CADPS2: variants seen among roughly 807,000 people sequenced by gnomAD.
CADPS2 encodes the protein calcium dependent secretion activator 2, also known as calcium-dependent secretion activator 2.
In CADPS2, 93 loss-of-function variants were observed where a neutral mutation model predicts 172.5. The ratio of observed to expected loss-of-function variants is 0.54; its 90% CI spans 0.46 to 0.64. CADPS2 has a LOEUF of 0.64. Among genes scored for constraint, CADPS2 ranks in the 30% least tolerant of loss-of-function variants. CADPS2 has a pLI of 0.00. For synonymous variants in CADPS2, 546 were observed against 555.2 expected (o/e 0.98, Z 0.23); for missense variants, 1,420 against 1,565.9 (o/e 0.91, Z 1.57).
intron 1 of CADPS2, among the ~76,000 whole-genome samples, chr7:122,855,569 A>C (rs1312813288): frequency 6.6e-6 from 1 of 152,180 alleles, no homozygotes; most frequent in Non-Finnish European, 1.5e-5. Context: ...TGGTAGGGGC[A>C]AAGTATGGTC....
chr7:122,544,240 A>T (rs975271514), intron 8 of CADPS2, among the ~76,000 whole-genome samples: 8 of 152,158 alleles, frequency 5.3e-5, no homozygotes, highest in Non-Finnish European at 1.0e-4. Flanking sequence ...ATTGTGCAGG[A>T]AAGATTATAT....
rs1389878154 is a variant in CADPS2, at chr7:122,649,841, A to C, written c.786+13396T>G. Among the ~76,000 whole-genome samples, 4 of 140,634 alleles carry C rather than the reference A, an allele frequency of 2.8e-5. No homozygotes were observed. In the Admixed American group the frequency reaches 3.0e-4, roughly 10 times the overall value. 92.3% of individuals were successfully genotyped at this position (140,634 alleles called of 152,430 possible). ...TTGAGGGAAGGAATCAAATCTTGTC[A>C]TTTATGTATTTTCACTGCTTAACCT... On this transcript the variant is annotated intron_variant, in intron 3 of 29. Coordinates refer to ENST00000449022, the MANE Select transcript of CADPS2 (RefSeq NM_017954.11).
chr7:122,833,713 A>C (rs1380669931), intron 1 of CADPS2, among the ~76,000 whole-genome samples: 2 of 152,160 alleles, frequency 1.3e-5, no homozygotes, highest in African/African-American at 4.8e-5. Flanking sequence ...TTAAATACTA[A>C]GGCTGAAGAA....
chr7:122,458,914 C>T (rs1229652983), intron 14 of CADPS2, among the ~76,000 whole-genome samples: 1 of 151,920 alleles, frequency 6.6e-6, no homozygotes, highest in East Asian at 1.9e-4. Context: ...TATAGAGGTT[C>T]TCTGATATAA....
At chr7:122,812,534 C>G (rs927367953) in intron 1 of CADPS2, among the ~76,000 whole-genome samples, 1 of 151,894 alleles carries the variant, frequency 6.6e-6, no homozygotes, top group African/African-American at 2.4e-5. Flanking sequence ...ACTGTAGGAT[C>G]GAACAGAATT....
intron 1 of CADPS2, among the ~76,000 whole-genome samples, chr7:122,803,994 A>AC (rs1188173159): frequency 0.016 from 2,402 of 148,118 alleles, 75 homozygotes; most frequent in African/African-American, 0.05. Flanking sequence ...AAAAAAAAAA[A>AC]AAAACACTGC....
chr7:122,438,579 T>TA, intron 16 of CADPS2, 115 bp from the exon 17 acceptor site: 1 of 1,232,662 alleles, frequency 8.1e-7, no homozygotes. Context: ...AAATTGTCCT[T>TA]GATCTGACTA....
intron 6 of CADPS2, among the ~76,000 whole-genome samples, chr7:122,582,687 G>A (rs1021753907): frequency 2.0e-5 from 3 of 151,982 alleles, no homozygotes; most frequent in Non-Finnish European, 4.4e-5. Context: ...CAGGCAATGT[G>A]GTTAACAGCC....
At chr7:122,833,532 GTTTTT>G (rs370563302) in intron 1 of CADPS2, among the ~76,000 whole-genome samples, 1 of 149,604 alleles carries the variant, frequency 6.7e-6, no homozygotes, top group African/African-American at 2.5e-5. Flanking sequence ...ACCCAGCTTT[GTTTTT>G]TTTTGTTTGT....
chr7:122,775,031 A>T (rs764141273), intron 1 of CADPS2, among the ~76,000 whole-genome samples: 39 of 152,150 alleles, frequency 2.6e-4, no homozygotes, highest in Middle Eastern at 3.4e-3. Flanking sequence ...TGTTTTTTTT[A>T]AAATACAAAA....
intron 15 of CADPS2, among the ~76,000 whole-genome samples, chr7:122,445,004 G>GA (rs1180287364): frequency 6.6e-6 from 1 of 152,014 alleles, no homozygotes; most frequent in Non-Finnish European, 1.5e-5. Context: ...GCATCTGTCG[G>GA]AAAAAAGTAT....
intron 2 of CADPS2, chr7:122,676,578 C>T (rs7777183): frequency 1.2e-6 from 1 of 867,730 alleles, no homozygotes; most frequent in Non-Finnish European, 1.8e-6. Context: ...AATTAAATAT[C>T]CACTTCACAC....
chr7:122,353,287 C>T (rs1382652956), intron 27 of CADPS2, among the ~76,000 whole-genome samples: 1 of 152,052 alleles, frequency 6.6e-6, no homozygotes, highest in African/African-American at 2.4e-5. Flanking sequence ...TAAGAACCAC[C>T]TTTTGGGGAT....
rs567648416 is a variant in CADPS2, at chr7:122,622,172, C to T, written c.868-455G>A. On this transcript the variant is annotated intron_variant, in intron 4 of 29. Transcript: ENST00000449022. ...AGCCCAATTTCTTACCACAGATATG[C>T]GTTGTTGGAAGAGTATGCTTTTTCA... Among the ~76,000 whole-genome samples the T allele has an allele frequency of 1.9e-4, 29 of 152,178 alleles. No individual in the cohort carries two copies. The South Asian group carries it at 3.3e-3, about 17-fold the overall frequency.
intron 2 of CADPS2, among the ~76,000 whole-genome samples, chr7:122,696,859 T>G (rs1341895997): frequency 6.6e-6 from 1 of 152,200 alleles, no homozygotes; most frequent in Non-Finnish European, 1.5e-5. Context: ...TATCATTCAC[T>G]TATTCATTCA....
chr7:122,853,243 G>A (rs1250579465), intron 1 of CADPS2, among the ~76,000 whole-genome samples: 1 of 152,182 alleles, frequency 6.6e-6, no homozygotes, highest in Non-Finnish European at 1.5e-5. Context: ...AAAAAGGTCA[G>A]GGTATTTCTC....
intron 2 of CADPS2, among the ~76,000 whole-genome samples, chr7:122,692,703 G>T (rs1330655706): frequency 6.6e-6 from 1 of 152,222 alleles, no homozygotes; most frequent in Non-Finnish European, 1.5e-5. Context: ...CATGCCCAGG[G>T]TCCAGCCCCT....
intron 22 of CADPS2, 115 bp downstream of exon 22, chr7:122,393,081 G>C: frequency 9.0e-7 from 1 of 1,111,834 alleles, no homozygotes; most frequent in Non-Finnish European, 1.2e-6. Context: ...AAAAAAAACA[G>C]TATTCCTCAA....
intron 14 of CADPS2, among the ~76,000 whole-genome samples, chr7:122,468,783 G>GGACTGTAA (rs1289396691): frequency 6.6e-6 from 1 of 152,146 alleles, no homozygotes; most frequent in African/African-American, 2.4e-5. Context: ...ATTTCTGAAT[G>GGACTGTAA]ACATCTGCTG....
Sources: gnomAD v4.1 joint callset for allele counts (sites outside exome capture counted in the v4.1 genomes callset) on GRCh38, gnomAD v4.1.1 for gene constraint, MANE v1.5 for transcripts, NCBI Gene and HGNC (gene_info 2026-07-23, HGNC 2026-07-21) for gene names.